CDYL2: variants seen among roughly 807,000 people sequenced by gnomAD.
The protein encoded by CDYL2 is chromodomain Y like 2.
In CDYL2, 23 loss-of-function variants were observed where a neutral mutation model predicts 49.4. The observed-to-expected ratio is 0.47, with a 90% CI of 0.34 to 0.66. The LOEUF is 0.66. Among genes scored for constraint, CDYL2 ranks in the 30% least tolerant of loss-of-function variants. CDYL2 has a pLI of 0.01. For missense variants in CDYL2, 678 were observed against 656.4 expected (o/e 1.03, Z -0.36); for synonymous variants, 360 against 268.8 (o/e 1.34, Z -3.32).
intron 1 of CDYL2, among the ~76,000 whole-genome samples, chr16:80,723,973 G>C (rs576720385): frequency 7.0e-6 from 1 of 142,546 alleles, no homozygotes; most frequent in South Asian, 2.2e-4. Flanking sequence ...AGAGGAGGGA[G>C]AGAGAGGAAG....
chr16:80,628,214 C>A (rs1414276180), intron 3 of CDYL2: 1 of 152,236 alleles, frequency 6.6e-6, no homozygotes, highest in Non-Finnish European at 1.5e-5. Context: ...ATCTTGCCTT[C>A]TGTGTGATTT....
At chr16:80,708,918 T>C (rs1904496099) in intron 1 of CDYL2, among the ~76,000 whole-genome samples, 1 of 152,156 alleles carries the variant, frequency 6.6e-6, no homozygotes, top group African/African-American at 2.4e-5. Context: ...ATATAAAAAA[T>C]TGCTTATTAT....
chr16:80,749,587 A>G (rs1906058618), intron 1 of CDYL2, among the ~76,000 whole-genome samples: 1 of 152,158 alleles, frequency 6.6e-6, no homozygotes, highest in Admixed American at 6.5e-5. Flanking sequence ...CAGACACCCC[A>G]ATAACTAACT....
chr16:80,787,104 G>A (rs1354083054), intron 1 of CDYL2, among the ~76,000 whole-genome samples: 1 of 151,976 alleles, frequency 6.6e-6, no homozygotes, highest in African/African-American at 2.4e-5. Context: ...AAAGTGACAT[G>A]CTCAGAATTA....
chr16:80,679,243 C>T (rs1287545571), intron 2 of CDYL2, among the ~76,000 whole-genome samples: 1 of 150,760 alleles, frequency 6.6e-6, no homozygotes, highest in Non-Finnish European at 1.5e-5. Context: ...ACACATGTAC[C>T]CTAAAACTTA....
At chr16:80,698,894 AAT>A (rs1904287445) in intron 1 of CDYL2, among the ~76,000 whole-genome samples, 1 of 152,142 alleles carries the variant, frequency 6.6e-6, no homozygotes, top group Non-Finnish European at 1.5e-5. Flanking sequence ...AGAATGAACT[AAT>A]ACAATATGAA....
intron 1 of CDYL2, among the ~76,000 whole-genome samples, chr16:80,786,839 A>G (rs1291247512): frequency 6.6e-6 from 1 of 151,764 alleles, no homozygotes; most frequent in Admixed American, 6.6e-5. Flanking sequence ...CAAACACCGC[A>G]TGTTCTCACT....
rs923928537 is a variant in CDYL2 at position 80,744,055 on chromosome 16, TC to T, written c.25-58927del. Among the ~76,000 whole-genome samples, 356 of 42,878 alleles carry T rather than the reference TC, an allele frequency of 8.3e-3. 1 individual carries two copies. The highest frequency in any genetic ancestry group is 0.07 in the South Asian group (36 of 514). The allele number at this position is 42,878 out of a possible 152,430, so 28.1% of individuals were successfully genotyped here. A position where few individuals can be genotyped will look rare whatever the true frequency, so the allele number is the denominator to read the frequency against. On this transcript the variant is annotated intron_variant, in intron 1 of 6. Coordinates refer to ENST00000570137, the MANE Select transcript of CDYL2 (RefSeq NM_152342.4). ...TCATTTATTCACCCATTTAATATGT[TC>T]AAAACCCCCAGGAATTAGGTATCAT...
chr16:80,706,879 G>A (rs1904423353), intron 1 of CDYL2, among the ~76,000 whole-genome samples: 1 of 152,166 alleles, frequency 6.6e-6, no homozygotes, highest in African/African-American at 2.4e-5. Context: ...AGAAGACCTG[G>A]CTCTTCAGTT....
rs974136539 is a variant in CDYL2 at position 80,680,733 on chromosome 16, A to T, written c.616+3805T>A. Among the ~76,000 whole-genome samples, 7 of 152,332 alleles carry T rather than the reference A, an allele frequency of 4.6e-5. No homozygotes were observed. In the East Asian group the frequency reaches 1.3e-3, roughly 29 times the overall value. ...CTTCAAATCCAGGGAGTAAAGATGGATCTACCAACAGATGGATCTATGAAC... is the reference window on the plus strand; with the variant it reads ...CTTCAAATCCAGGGAGTAAAGATGGTTCTACCAACAGATGGATCTATGAAC... On this transcript the variant is annotated intron_variant, in intron 2 of 6. Transcript: ENST00000570137.
intron 2 of CDYL2, among the ~76,000 whole-genome samples, chr16:80,642,445 A>C (rs1277101065): frequency 6.6e-6 from 1 of 152,226 alleles, no homozygotes; most frequent in Admixed American, 6.5e-5. Flanking sequence ...TCCATCTAAA[A>C]AAAATTATAT....
At position 80,789,807 on chromosome 16, in the gene CDYL2, G is replaced by C. The variant is rs541923100; in HGVS notation, c.24+14343C>G. Reference sequence around the variant, plus strand: ...CCATTATCCTAAATGAACTAATAAAGAAGCAGAAAATCAAATACTGTATGT... The same window carrying C: ...CCATTATCCTAAATGAACTAATAAACAAGCAGAAAATCAAATACTGTATGT... On this transcript the variant is annotated intron_variant, in intron 1 of 6. Transcript: ENST00000570137. Among the ~76,000 whole-genome samples, 16 of 152,208 alleles carry C rather than the reference G, an allele frequency of 1.1e-4. No homozygotes were observed. In the South Asian group the frequency reaches 3.3e-3, roughly 32 times the overall value.
intron 1 of CDYL2, among the ~76,000 whole-genome samples, chr16:80,751,386 GT>G (rs1389367348): frequency 4.6e-5 from 7 of 152,212 alleles, no homozygotes; most frequent in Non-Finnish European, 1.0e-4. Flanking sequence ...TCTCCCTTGG[GT>G]TATTTGCCAG....
chr16:80,687,991 A>G (rs1910266563), intron 1 of CDYL2, among the ~76,000 whole-genome samples: 2 of 152,198 alleles, frequency 1.3e-5, no homozygotes, highest in Non-Finnish European at 2.9e-5. Context: ...GGAAGAAGAG[A>G]GAGTATACCT....
At chr16:80,712,624 C>A (rs1186059212) in intron 1 of CDYL2, among the ~76,000 whole-genome samples, 1 of 152,054 alleles carries the variant, frequency 6.6e-6, no homozygotes, top group Non-Finnish European at 1.5e-5. Context: ...CTCCATAGGT[C>A]TCTGCGAGGT....
chr16:80,660,120 G>T (rs955757175), intron 2 of CDYL2, among the ~76,000 whole-genome samples: 1 of 151,694 alleles, frequency 6.6e-6, no homozygotes, highest in African/African-American at 2.4e-5. Flanking sequence ...CCACATAAAT[G>T]GACATTTTCA....
At chr16:80,664,303 T>C (rs942942239) in intron 2 of CDYL2, among the ~76,000 whole-genome samples, 1 of 152,180 alleles carries the variant, frequency 6.6e-6, no homozygotes, top group Non-Finnish European at 1.5e-5. Context: ...GCCAGGAATG[T>C]CATTTCCGTC....
Position 80,604,531 on chromosome 16 carries a change from T to G in CDYL2, c.1378A>C (p.Lys460Gln). The change falls in exon 7 of 7, where the codon AAA (lysine) becomes CAA (glutamine). Residue 460 changes from lysine to glutamine, a missense_variant. Lys to Gln is a moderately conservative substitution (Grantham distance 53). Transcript: ENST00000570137. ...SCSAVVLEES[K>Q]CLVRSFLKSV... ...TTCAGGAAGCTCCGCACGAGGCATT[T>G]GGACTCCTCTAACACCTAGAGGGAA... The G allele has an allele frequency of 1.2e-6, 2 of 1,614,192 alleles. No homozygotes were observed. The highest frequency in any genetic ancestry group is 1.1e-5 in the South Asian group (1 of 91,080).
At chr16:80,761,964 T>C (rs1220132514) in intron 1 of CDYL2, among the ~76,000 whole-genome samples, 1 of 149,104 alleles carries the variant, frequency 6.7e-6, no homozygotes, top group Admixed American at 6.7e-5. Context: ...GGCAGGAGGA[T>C]TGTTTGAGGC....
Sources: gnomAD v4.1 joint callset for allele counts (sites outside exome capture counted in the v4.1 genomes callset) on GRCh38, gnomAD v4.1.1 for gene constraint, MANE v1.5 for transcripts, NCBI Gene and HGNC (gene_info 2026-07-23, HGNC 2026-07-21) for gene names.